FMNL2: variants seen among roughly 807,000 people sequenced by gnomAD.
The protein encoded by FMNL2 is formin like 2.
FMNL2 carries 51 observed loss-of-function variants against 130.2 expected under a neutral mutation model. The observed-to-expected ratio is 0.39, with a 90% CI of 0.31 to 0.49. FMNL2 has a LOEUF of 0.49. FMNL2 is among the 20% of genes least tolerant of loss of function. The pLI, the probability that FMNL2 is intolerant of heterozygous loss-of-function variation, is 0.85. For missense variants in FMNL2, 977 were observed against 1,316.2 expected, an observed-to-expected ratio of 0.74 and a Z score of 3.99; for synonymous variants, 465 against 467.1, an observed-to-expected ratio of 1.00 and a Z score of 0.06.
chr2:152,527,292 G>C (rs1693440586), intron 2 of FMNL2, among the ~76,000 whole-genome samples: 1 of 152,186 alleles, frequency 6.6e-6, no homozygotes, highest in African/African-American at 2.4e-5. Flanking sequence ...GTGACAACTT[G>C]ATGGCCCCAT....
intron 1 of FMNL2, among the ~76,000 whole-genome samples, chr2:152,516,661 T>A (rs1458413480): frequency 6.6e-6 from 1 of 152,176 alleles, no homozygotes; most frequent in African/African-American, 2.4e-5. Context: ...TTGAGAATAT[T>A]TGGGTAAAAG....
At chr2:152,414,231 G>A (rs137985263) in intron 1 of FMNL2, among the ~76,000 whole-genome samples, 5 of 152,120 alleles carry the variant, frequency 3.3e-5, no homozygotes, top group Non-Finnish European at 7.4e-5. Flanking sequence ...TATAGGATAC[G>A]TCTTTGATTT....
At chr2:152,405,504 G>A (rs751870578) in intron 1 of FMNL2, among the ~76,000 whole-genome samples, 1 of 152,134 alleles carries the variant, frequency 6.6e-6, no homozygotes, top group Non-Finnish European at 1.5e-5. Context: ...CTTCAACACA[G>A]TTTTCCTTAA....
intron 1 of FMNL2, among the ~76,000 whole-genome samples, chr2:152,497,186 A>G (rs1691562277): frequency 6.6e-6 from 1 of 152,190 alleles, no homozygotes; most frequent in African/African-American, 2.4e-5. Flanking sequence ...AATGTGAGAA[A>G]CCTGGTTGTC....
At chr2:152,552,271 T>G (rs567678919) in intron 4 of FMNL2, among the ~76,000 whole-genome samples, 2 of 152,312 alleles carry the variant, frequency 1.3e-5, no homozygotes, top group East Asian at 3.9e-4. Flanking sequence ...ACCTGCAGTA[T>G]TCAACAGTAT....
At chr2:152,381,549 C>T (rs753627062) in intron 1 of FMNL2, among the ~76,000 whole-genome samples, 4 of 152,094 alleles carry the variant, frequency 2.6e-5, no homozygotes, top group Non-Finnish European at 4.4e-5. Flanking sequence ...ATATTCCTGT[C>T]GTTAGGGTTT....
chr2:152,520,783 G>A (rs141546855), intron 1 of FMNL2, among the ~76,000 whole-genome samples: 1 of 152,178 alleles, frequency 6.6e-6, no homozygotes, highest in African/African-American at 2.4e-5. Context: ...AGTCAGGACA[G>A]CATACTCACC....
At chr2:152,540,741 A>C (rs1694267834) in intron 2 of FMNL2, among the ~76,000 whole-genome samples, 1 of 151,636 alleles carries the variant, frequency 6.6e-6, no homozygotes, top group Non-Finnish European at 1.5e-5. Flanking sequence ...ACCTAATGCT[A>C]GATGACGAGT....
chr2:152,450,046 G>A (rs888525124), intron 1 of FMNL2, among the ~76,000 whole-genome samples: 1 of 151,820 alleles, frequency 6.6e-6, no homozygotes, highest in African/African-American at 2.4e-5. Flanking sequence ...TTCTGTCACC[G>A]ACATAGAAAT....
At chr2:152,358,599 C>T (rs1437969678) in intron 1 of FMNL2, among the ~76,000 whole-genome samples, 3 of 150,460 alleles carry the variant, frequency 2.0e-5, no homozygotes, top group Non-Finnish European at 4.4e-5. Context: ...TGCAGTAAGC[C>T]GAGATTGTGC....
intron 1 of FMNL2, among the ~76,000 whole-genome samples, chr2:152,415,168 T>TA (rs11325472): frequency 0.023 from 3,262 of 144,858 alleles, 97 homozygotes; most frequent in African/African-American, 0.073. Flanking sequence ...TCTGATACAT[T>TA]AAAAAAAAAA....
intron 9 of FMNL2, among the ~76,000 whole-genome samples, chr2:152,601,667 C>CTTTTTTTTTTT (rs36031692): frequency 2.8e-4 from 37 of 132,224 alleles, no homozygotes; most frequent in African/African-American, 6.5e-4. Flanking sequence ...CTTTTCTTTT[C>CTTTTTTTTTTT]TTTCTTTTTT....
At chr2:152,647,743 G>A (rs13403205) in intron 25 of FMNL2, 53 bp from the exon 26 acceptor site, 51 of 1,568,688 alleles carry the variant, frequency 3.3e-5, no homozygotes, top group Non-Finnish European at 4.3e-5. Context: ...GTCCTGCTTA[G>A]ACACATGCTA....
chr2:152,414,448 A>G (rs185305599), intron 1 of FMNL2, among the ~76,000 whole-genome samples: 1 of 152,238 alleles, frequency 6.6e-6, no homozygotes, highest in East Asian at 1.9e-4. Context: ...TTCTCCGTGG[A>G]CATGTGTTAG....
chr2:152,597,360 C>T (rs538525587), intron 9 of FMNL2, among the ~76,000 whole-genome samples: 18 of 152,180 alleles, frequency 1.2e-4, no homozygotes, highest in Non-Finnish European at 2.4e-4. Context: ...GAAATAATCA[C>T]AGAAATGCTT....
At chr2:152,487,366 T>C (rs1384604233) in intron 1 of FMNL2, among the ~76,000 whole-genome samples, 1 of 152,218 alleles carries the variant, frequency 6.6e-6, no homozygotes, top group East Asian at 1.9e-4. Flanking sequence ...TGAACATAGG[T>C]AGGGAACTTA....
At chr2:152,357,235 A>AAC (rs1682883360) in intron 1 of FMNL2, among the ~76,000 whole-genome samples, 1 of 37,492 alleles carries the variant, frequency 2.7e-5, no homozygotes, top group African/African-American at 7.3e-5. Flanking sequence ...TATCACGATA[A>AAC]ATATTAAATC....
chr2:152,469,707 T>C (rs1292938032), intron 1 of FMNL2, among the ~76,000 whole-genome samples: 1 of 152,184 alleles, frequency 6.6e-6, no homozygotes, highest in Non-Finnish European at 1.5e-5. Flanking sequence ...AGTAAGGAAA[T>C]ACATGTTCTG....
intron 1 of FMNL2, among the ~76,000 whole-genome samples, chr2:152,387,424 G>A (rs1016195471): frequency 1.3e-5 from 2 of 152,120 alleles, no homozygotes; most frequent in Admixed American, 6.5e-5. Context: ...AGTGTGATTA[G>A]ATTAAAACTA....
Sources: allele counts gnomAD v4.1 joint callset (sites outside exome capture counted in the v4.1 genomes callset), GRCh38; gene constraint gnomAD v4.1.1; transcripts MANE v1.5; gene names NCBI Gene and HGNC (gene_info 2026-07-23, HGNC 2026-07-21).